The following TRERF1 variants were observed in gnomAD, a reference collection of about 807,000 sequenced individuals.
TRERF1 encodes transcriptional regulating factor 1, also known as transcriptional-regulating factor 1.
Under a neutral mutation model 122.9 loss-of-function variants are expected in TRERF1, and 27 were observed. The ratio of observed to expected loss-of-function variants is 0.22; its 90% CI spans 0.16 to 0.30. The LOEUF (loss-of-function observed/expected upper bound fraction) is 0.30, where lower values mean the gene tolerates loss of function less well. Among genes scored for constraint, TRERF1 ranks in the 10% least tolerant of loss-of-function variants. The pLI, the probability that TRERF1 is intolerant of heterozygous loss-of-function variation, is 1.00. For synonymous variants in TRERF1, 636 were observed against 641.7 expected (o/e 0.99, Z 0.13); for missense variants, 1,248 against 1,560.3 (o/e 0.80, Z 3.37).
At chr6:42,282,249 G>A (rs1782429445) in intron 4 of TRERF1, among the ~76,000 whole-genome samples, 1 of 152,214 alleles carries the variant, frequency 6.6e-6, no homozygotes, top group Non-Finnish European at 1.5e-5. Flanking sequence ...CTATGCAGTT[G>A]TTAAAACTAA....
intron 2 of TRERF1, among the ~76,000 whole-genome samples, chr6:42,380,696 G>A (rs1414809099): frequency 1.3e-5 from 2 of 152,188 alleles, no homozygotes; most frequent in African/African-American, 2.4e-5. Context: ...ACTCCCCAAA[G>A]GGCATGGCTC....
chr6:42,353,353 G>A (rs976239830), intron 3 of TRERF1, among the ~76,000 whole-genome samples: 7 of 152,018 alleles, frequency 4.6e-5, no homozygotes, highest in Admixed American at 1.3e-4. Context: ...TTGGGAGGGC[G>A]AGGCGCATGG....
At chr6:42,378,961 T>A (rs7748647) in intron 2 of TRERF1, among the ~76,000 whole-genome samples, 15,708 of 150,454 alleles carry the variant, frequency 0.1, 1,340 homozygotes, top group African/African-American at 0.23. Flanking sequence ...ACTAAAAATT[T>A]AAAAAAAAAT....
At chr6:42,330,445 AG>A in intron 3 of TRERF1, among the ~76,000 whole-genome samples, 1 of 152,356 alleles carries the variant, frequency 6.6e-6, no homozygotes, top group Middle Eastern at 3.4e-3. Flanking sequence ...ACAAAAACAT[AG>A]GTTCAAAGAT....
chr6:42,241,320 G>GA (rs1773647714), intron 15 of TRERF1, among the ~76,000 whole-genome samples: 2 of 151,928 alleles, frequency 1.3e-5, no homozygotes, highest in South Asian at 2.1e-4. Context: ...ATCTCTGATT[G>GA]AAAAAAATAG....
intron 17 of TRERF1, among the ~76,000 whole-genome samples, chr6:42,231,522 T>C (rs1052252643): frequency 2.7e-4 from 41 of 152,174 alleles, no homozygotes; most frequent in Admixed American, 2.6e-3. Flanking sequence ...ACTAGGGATG[T>C]TTTCGTGGTA....
At position 42,348,145 on chromosome 6, in the gene TRERF1, C is replaced by T. The variant is rs967734757; in HGVS notation, c.-371+14852G>A. Among the ~76,000 whole-genome samples, 3 of 152,174 alleles carry T rather than the reference C, an allele frequency of 2.0e-5. 1 individual carries two copies. In the South Asian group the frequency reaches 6.2e-4, roughly 32 times the overall value. On this transcript the variant is annotated intron_variant, in intron 3 of 17. Coordinates refer to ENST00000372922, the Ensembl canonical transcript of TRERF1. ...TATGAAGGTGGGGAATTGAAACATA[C>T]TTAACCCTGTAATGCAAGTCAGTGT...
At chr6:42,258,439 C>T (rs574913238) in intron 9 of TRERF1, among the ~76,000 whole-genome samples, 71 of 152,338 alleles carry the variant, frequency 4.7e-4, no homozygotes, top group African/African-American at 1.7e-3. Flanking sequence ...GTCTGCTAAG[C>T]GGTATGATTT....
chr6:42,334,099 G>C (rs776675010), intron 3 of TRERF1, among the ~76,000 whole-genome samples: 2 of 152,026 alleles, frequency 1.3e-5, no homozygotes, highest in Non-Finnish European at 2.9e-5. Flanking sequence ...ATATGTGTGT[G>C]TGTGTTTTTG....
chr6:42,368,170 T>C (rs1773107623), intron 2 of TRERF1, among the ~76,000 whole-genome samples: 1 of 152,114 alleles, frequency 6.6e-6, no homozygotes, highest in Admixed American at 6.5e-5. Context: ...GCAGTATACT[T>C]GGTGGCTGTG....
In TRERF1 at chr6:42,420,558, TA is replaced by T. The variant is rs1379851418; in HGVS notation, c.-454+30618del. ...TGACTTTTTTAAATTATAGAAATTA[TA>T]AAGTTAATTCATGCTTATTAGAGAG... is the stretch of plus-strand genomic sequence containing the variant. On this transcript the variant is annotated intron_variant, in intron 2 of 17. Transcript: ENST00000372922. Among the ~76,000 whole-genome samples the T allele has an allele frequency of 4.6e-5, 7 of 152,364 alleles. No individual in the cohort carries two copies. In the East Asian group the frequency reaches 1.3e-3, roughly 29 times the overall value.
intron 3 of TRERF1, among the ~76,000 whole-genome samples, chr6:42,307,234 AC>A (rs1160418588): frequency 6.6e-6 from 1 of 152,066 alleles, no homozygotes; most frequent in Non-Finnish European, 1.5e-5. Flanking sequence ...GAAGAAGAAA[AC>A]AAAACCCTCA....
chr6:42,242,172 T>C (rs1773879054), intron 15 of TRERF1, among the ~76,000 whole-genome samples: 1 of 152,232 alleles, frequency 6.6e-6, no homozygotes, highest in Admixed American at 6.5e-5. Context: ...GCTCAGCAGC[T>C]GTGTGACTAT....
At chr6:42,318,325 AAT>A (rs1257991894) in intron 3 of TRERF1, among the ~76,000 whole-genome samples, 7 of 152,192 alleles carry the variant, frequency 4.6e-5, no homozygotes, top group African/African-American at 1.4e-4. Context: ...AGCACTTAAT[AAT>A]GAGTGCCAGG....
At chr6:42,343,082 C>T (rs762847695) in intron 3 of TRERF1, among the ~76,000 whole-genome samples, 2 of 152,094 alleles carry the variant, frequency 1.3e-5, no homozygotes, top group Non-Finnish European at 2.9e-5. Flanking sequence ...ACCCTGATGC[C>T]ATTTCTGAGC....
chr6:42,414,612 CA>C (rs1388283230), intron 2 of TRERF1, among the ~76,000 whole-genome samples: 1 of 152,186 alleles, frequency 6.6e-6, no homozygotes, highest in East Asian at 1.9e-4. Flanking sequence ...CTGAATCACA[CA>C]GTAAGAAATA....
chr6:42,254,820 G>A (rs1776441180), intron 13 of TRERF1, 31 bp downstream of exon 13: 3 of 1,603,560 alleles, frequency 1.9e-6, no homozygotes, highest in African/African-American at 2.7e-5. Flanking sequence ...TCGTCAGGAG[G>A]CAACAGGACA....
At chr6:42,305,385 T>C (rs1230585538) in intron 3 of TRERF1, among the ~76,000 whole-genome samples, 1 of 152,140 alleles carries the variant, frequency 6.6e-6, no homozygotes, top group Non-Finnish European at 1.5e-5. Flanking sequence ...AGAACCTCAG[T>C]TTCCCTTCTA....
At chr6:42,345,203 A>G (rs1220788274) in intron 3 of TRERF1, among the ~76,000 whole-genome samples, 1 of 152,258 alleles carries the variant, frequency 6.6e-6, no homozygotes, top group African/African-American at 2.4e-5. Context: ...GGTTCTTTCC[A>G]AAAGGCAGGA....
Sources: gnomAD v4.1 joint callset for allele counts (sites outside exome capture counted in the v4.1 genomes callset) on GRCh38, gnomAD v4.1.1 for gene constraint, MANE v1.5 for transcripts, NCBI Gene and HGNC (gene_info 2026-07-23, HGNC 2026-07-21) for gene names.